The following ACER3 variants were observed in gnomAD, a reference collection of about 807,000 sequenced individuals.
ACER3 encodes alkaline ceramidase 3.
In ACER3, 16 loss-of-function variants were observed where a neutral mutation model predicts 48.9. The ratio of observed to expected loss-of-function variants is 0.33; its 90% CI spans 0.22 to 0.50. The LOEUF is 0.50. Ranked by LOEUF, ACER3 falls within the 20% of genes least tolerant of loss-of-function variation. The pLI is 0.98. For synonymous variants in ACER3, 109 were observed against 107.8 expected (o/e 1.01, Z -0.07); for missense variants, 227 against 326.0 (o/e 0.70, Z 2.34).
intron 2 of ACER3, among the ~76,000 whole-genome samples, chr11:76,942,994 T>C (rs998518517): frequency 6.6e-6 from 1 of 152,080 alleles, no homozygotes; most frequent in African/African-American, 2.4e-5. Flanking sequence ...TGATGATCTT[T>C]TGTATTTTTG....
intron 1 of ACER3, among the ~76,000 whole-genome samples, chr11:76,902,910 ATAC>A (rs1207614964): frequency 2.0e-5 from 3 of 152,224 alleles, no homozygotes; most frequent in African/African-American, 7.2e-5. Flanking sequence ...TTATCATTTA[ATAC>A]TACATCTTTA....
intron 1 of ACER3, among the ~76,000 whole-genome samples, chr11:76,876,853 C>A (rs184565204): frequency 1.2e-3 from 178 of 152,212 alleles, no homozygotes; most frequent in African/African-American, 4.1e-3. Flanking sequence ...TACATTAATA[C>A]CCTGTGCACT....
At chr11:76,894,585 G>T (rs1002208691) in intron 1 of ACER3, among the ~76,000 whole-genome samples, 32 of 152,078 alleles carry the variant, frequency 2.1e-4, no homozygotes, top group Non-Finnish European at 7.4e-5. Context: ...CCCTTACAAG[G>T]TTACTTTGGG....
chr11:77,007,017 C>T (rs1212960328), intron 7 of ACER3, among the ~76,000 whole-genome samples: 1 of 150,986 alleles, frequency 6.6e-6, no homozygotes, highest in Non-Finnish European at 1.5e-5. Flanking sequence ...GAGATTGAGG[C>T]AGGAGGATTG....
intron 7 of ACER3, among the ~76,000 whole-genome samples, chr11:77,004,590 G>A (rs1949096414): frequency 6.6e-6 from 1 of 152,152 alleles, no homozygotes; most frequent in Non-Finnish European, 1.5e-5. Flanking sequence ...CATTTTGCAA[G>A]TCTATTTTGA....
chr11:76,967,424 T>C (rs376014912), intron 3 of ACER3, among the ~76,000 whole-genome samples: 8,862 of 152,140 alleles, frequency 0.058, 281 homozygotes, highest in Middle Eastern at 0.12. Context: ...TTCCAATCAA[T>C]AGAAAAAGAG....
intron 1 of ACER3, among the ~76,000 whole-genome samples, chr11:76,898,903 C>CAAAAAAAAAAAA (rs59278347): frequency 3.6e-5 from 2 of 55,832 alleles, no homozygotes; most frequent in African/African-American, 1.7e-4. Context: ...GACTCCGTCT[C>CAAAAAAAAAAAA]AAAAAAAAAA....
intron 1 of ACER3, among the ~76,000 whole-genome samples, chr11:76,874,202 A>T (rs909183140): frequency 8.5e-5 from 13 of 152,174 alleles, no homozygotes; most frequent in African/African-American, 3.1e-4. Flanking sequence ...TCCTATCTGG[A>T]CTTCACTCTG....
At chr11:76,865,891 A>G (rs1015106173) in intron 1 of ACER3, among the ~76,000 whole-genome samples, 3 of 148,384 alleles carry the variant, frequency 2.0e-5, no homozygotes, top group Non-Finnish European at 4.4e-5. Context: ...ATCTTGGCTC[A>G]CTGCAACCTG....
intron 1 of ACER3, among the ~76,000 whole-genome samples, chr11:76,862,211 G>C (rs1280377595): frequency 1.3e-5 from 2 of 151,738 alleles, no homozygotes; most frequent in Non-Finnish European, 2.9e-5. Flanking sequence ...TCTGTGCATG[G>C]CTTTGTAGGA....
chr11:77,003,158 A>G (rs967595970), intron 7 of ACER3, among the ~76,000 whole-genome samples: 1 of 152,264 alleles, frequency 6.6e-6, no homozygotes, highest in Non-Finnish European at 1.5e-5. Context: ...TACATTAAAC[A>G]TATGCAGAAA....
At position 76,933,398 on chromosome 11, in the gene ACER3, T is replaced by G. The variant is rs760919415; in HGVS notation, c.214+6731T>G. Among the ~76,000 whole-genome samples, 337 of 146,052 alleles carry G rather than the reference T, an allele frequency of 2.3e-3. 6 individuals are homozygous for G. The highest frequency in any genetic ancestry group is 0.015 in the Admixed American group (217 of 14,612). On this transcript the variant is annotated intron_variant, in intron 2 of 10. Transcript: ENST00000532485. Reference sequence around the variant, plus strand: ...CAGCAGATAAACAAGTGAACAAAGGTCTCTGGTTTTCCTAGGCAGAGGACC... The same window carrying G: ...CAGCAGATAAACAAGTGAACAAAGGGCTCTGGTTTTCCTAGGCAGAGGACC...
intron 2 of ACER3, 50 bp from the exon 3 acceptor site, chr11:76,958,929 C>G (rs781342423): frequency 6.3e-7 from 1 of 1,580,634 alleles, no homozygotes; most frequent in Non-Finnish European, 8.7e-7. Flanking sequence ...AGGTCACTGT[C>G]CACGCACAAA....
chr11:76,937,849 T>G (rs1305484458), intron 2 of ACER3, among the ~76,000 whole-genome samples: 1 of 152,200 alleles, frequency 6.6e-6, no homozygotes, highest in Non-Finnish European at 1.5e-5. Flanking sequence ...CTGATTAACT[T>G]TTGAAATAGT....
intron 2 of ACER3, among the ~76,000 whole-genome samples, chr11:76,950,384 T>C (rs1590977553): frequency 3.2e-5 from 1 of 31,644 alleles, no homozygotes; most frequent in Non-Finnish European, 7.3e-5. Context: ...TATATATATA[T>C]ATATATATAT....
intron 1 of ACER3, among the ~76,000 whole-genome samples, chr11:76,906,496 A>G (rs1043931279): frequency 1.3e-5 from 2 of 152,104 alleles, no homozygotes; most frequent in African/African-American, 4.8e-5. Context: ...AGCAGCACCC[A>G]TTCCCTAGTT....
In ACER3 at chr11:76,927,052, A is replaced by G. The variant is rs183755754; in HGVS notation, c.214+385A>G. On this transcript the variant is annotated intron_variant, in intron 2 of 10. Coordinates refer to ENST00000532485, the MANE Select transcript of ACER3 (RefSeq NM_018367.7). ...CTGATTGTATCCCCCTCAGCCTCCC[A>G]GCCCATCCCCTAAGAGCTAGCCTCA... Among the ~76,000 whole-genome samples, 4 of 152,250 alleles carry G rather than the reference A, an allele frequency of 2.6e-5. No individual in the cohort carries two copies. In the East Asian group the frequency reaches 7.7e-4, roughly 29 times the overall value.
intron 9 of ACER3, among the ~76,000 whole-genome samples, chr11:77,018,129 A>G (rs530365308): frequency 6.6e-6 from 1 of 152,028 alleles, no homozygotes; most frequent in Non-Finnish European, 1.5e-5. Context: ...TAGTAGAGAC[A>G]GGCTTTCACC....
chr11:76,992,798 CTTACTAACTG>C (rs1173910336), intron 6 of ACER3, among the ~76,000 whole-genome samples: 1 of 152,158 alleles, frequency 6.6e-6, no homozygotes, highest in Non-Finnish European at 1.5e-5. Context: ...GTCTCCTCCA[CTTACTAACTG>C]TACACCCTGG....
Sources: allele counts gnomAD v4.1 joint callset (sites outside exome capture counted in the v4.1 genomes callset), GRCh38; gene constraint gnomAD v4.1.1; transcripts MANE v1.5; gene names NCBI Gene and HGNC (gene_info 2026-07-23, HGNC 2026-07-21).